MACROD2: variants seen among roughly 807,000 people sequenced by gnomAD.
MACROD2 encodes mono-ADP ribosylhydrolase 2.
In MACROD2, 36 loss-of-function variants were observed where a neutral mutation model predicts 70.4. That is an observed-to-expected ratio of 0.51 (90% CI 0.39 to 0.68). The LOEUF is 0.68. Among genes scored for constraint, MACROD2 ranks in the 30% least tolerant of loss-of-function variants. The probability of loss-of-function intolerance (pLI) is 0.00; values close to 1 mark genes in which losing one functional copy is unlikely to be tolerated. For synonymous variants in MACROD2, 172 were observed against 178.8 expected, an observed-to-expected ratio of 0.96 and a Z score of 0.30; for missense variants, 496 against 538.4, an observed-to-expected ratio of 0.92 and a Z score of 0.78.
chr20:14,003,522 G>A (rs997553554), intron 2 of MACROD2: 8 of 282,500 alleles, frequency 2.8e-5, no homozygotes, highest in Non-Finnish European at 5.7e-5. Flanking sequence ...TTCTGTAAAT[G>A]CAAGTTGTTT....
intron 8 of MACROD2, among the ~76,000 whole-genome samples, chr20:15,817,996 CTT>C (rs1277051208): frequency 2.6e-5 from 4 of 152,156 alleles, no homozygotes; most frequent in African/African-American, 7.2e-5. Flanking sequence ...AGCAGGGTCT[CTT>C]CTCTGCTCTT....
At chr20:14,148,959 A>T (rs973222072) in intron 3 of MACROD2, among the ~76,000 whole-genome samples, 6 of 151,860 alleles carry the variant, frequency 4.0e-5, no homozygotes, top group Non-Finnish European at 5.9e-5. Flanking sequence ...AACATAGCAC[A>T]CTTTTCTGCT....
At chr20:14,802,360 C>T (rs113041123) in intron 5 of MACROD2, among the ~76,000 whole-genome samples, 3,853 of 151,966 alleles carry the variant, frequency 0.025, 88 homozygotes, top group Middle Eastern at 0.055. Flanking sequence ...TATGGCTAAA[C>T]GCTTTTATTA....
At chr20:14,400,213 G>A (rs1293743659) in intron 3 of MACROD2, among the ~76,000 whole-genome samples, 7 of 152,138 alleles carry the variant, frequency 4.6e-5, no homozygotes, top group African/African-American at 9.7e-5. Flanking sequence ...TGGAGTTACT[G>A]GAAAGTAGTT....
At position 14,086,513 on chromosome 20, in the gene MACROD2, G is replaced by T. The variant is rs373086347; in HGVS notation, c.271+785G>T. Among the ~76,000 whole-genome samples the T allele has an allele frequency of 2.7e-4, 41 of 152,308 alleles. No individual in the cohort carries two copies. In the East Asian group the frequency reaches 2.7e-3, roughly 10 times the overall value. Reference sequence around the variant, plus strand: ...TCTAAATAGACTATGACAATAAAAGGAGGAGGATGATTTCAATAGGGGGAG... The same window carrying T: ...TCTAAATAGACTATGACAATAAAAGTAGGAGGATGATTTCAATAGGGGGAG... On this transcript the variant is annotated intron_variant, in intron 3 of 17. Transcript: ENST00000684519.
At chr20:15,272,128 T>G (rs1199548490) in intron 6 of MACROD2, among the ~76,000 whole-genome samples, 2 of 152,238 alleles carry the variant, frequency 1.3e-5, no homozygotes, top group Non-Finnish European at 2.9e-5. Flanking sequence ...TGCTAAAATG[T>G]CTAATTAGTT....
intron 8 of MACROD2, among the ~76,000 whole-genome samples, chr20:15,682,848 G>A (rs998153967): frequency 6.6e-6 from 1 of 152,140 alleles, no homozygotes; most frequent in African/African-American, 2.4e-5. Context: ...AACTTGGCAA[G>A]CTCTGTCATT....
intron 5 of MACROD2, among the ~76,000 whole-genome samples, chr20:14,767,517 G>C (rs1439068340): frequency 6.6e-6 from 1 of 151,800 alleles, no homozygotes; most frequent in African/African-American, 2.4e-5. Flanking sequence ...TAAACAGAAT[G>C]GGTTTGACTC....
chr20:15,370,299 G>T (rs1316826278), intron 6 of MACROD2, among the ~76,000 whole-genome samples: 2 of 151,920 alleles, frequency 1.3e-5, no homozygotes, highest in Non-Finnish European at 2.9e-5. Flanking sequence ...AGTAAAACTG[G>T]AATCTACTTT....
chr20:14,908,930 T>G (rs1245881511), intron 5 of MACROD2, among the ~76,000 whole-genome samples: 1 of 152,174 alleles, frequency 6.6e-6, no homozygotes, highest in East Asian at 1.9e-4. Context: ...CAGATATAAG[T>G]GCAGCTTCAT....
Position 14,551,026 on chromosome 20 carries a change from AG to A in MACROD2, c.301+57521del, listed in dbSNP as rs987735108. 6.9e-4 allele frequency among the ~76,000 whole-genome samples: 105 copies of A among 152,192 alleles called. 1 individual carries two copies. The highest frequency in any genetic ancestry group is 2.4e-3 in the African/African-American group (101 of 41,530). On this transcript the variant is annotated intron_variant, in intron 4 of 17. Coordinates refer to ENST00000684519, the MANE Select transcript of MACROD2 (RefSeq NM_001351661.2). ...TATGCAGAAGATATTCAAGTTGGAGAGGGAAATTATGATTTTTTTTTCCTTT... is the reference window on the plus strand; with the variant it reads ...TATGCAGAAGATATTCAAGTTGGAGAGGAAATTATGATTTTTTTTTCCTTT...
chr20:16,032,200 C>T (rs1016098748), intron 15 of MACROD2, among the ~76,000 whole-genome samples: 1 of 151,962 alleles, frequency 6.6e-6, no homozygotes, highest in African/African-American at 2.4e-5. Flanking sequence ...GGGAGCTAAG[C>T]AATGAGCACA....
intron 4 of MACROD2, among the ~76,000 whole-genome samples, chr20:14,565,548 A>T (rs1218889520): frequency 6.6e-6 from 1 of 151,540 alleles, no homozygotes; most frequent in African/African-American, 2.4e-5. Flanking sequence ...TGAATCTCGG[A>T]AAATTCCTCT....
At chr20:15,416,897 C>T (rs1051909009) in intron 6 of MACROD2, among the ~76,000 whole-genome samples, 1 of 142,638 alleles carries the variant, frequency 7.0e-6, no homozygotes, top group African/African-American at 2.5e-5. Context: ...AGCGAGACTC[C>T]GTCTCAAAAA....
intron 3 of MACROD2, among the ~76,000 whole-genome samples, chr20:14,338,196 G>T (rs147110187): frequency 0.01 from 1,546 of 152,280 alleles, 43 homozygotes; most frequent in African/African-American, 0.035. Flanking sequence ...GAGGTCAGGA[G>T]TTCGAGACCA....
chr20:15,894,762 A>G (rs1244751546), intron 10 of MACROD2, among the ~76,000 whole-genome samples: 2 of 152,240 alleles, frequency 1.3e-5, no homozygotes, highest in Non-Finnish European at 2.9e-5. Flanking sequence ...TAGATTATGC[A>G]CTGCCCTAAT....
In MACROD2 at chr20:15,757,878, A is replaced by C. The variant is rs2146992049; in HGVS notation, c.646-104867A>C. 1.3e-5 allele frequency among the ~76,000 whole-genome samples: 2 copies of C among 152,280 alleles called. 1 individual carries two copies. The highest frequency in any genetic ancestry group is 4.1e-4 in the South Asian group (2 of 4,830). ...CTACCTTGCAAATATCCCACATCCA[A>C]ATACCATCACATTGGAGTTAGAACT... On this transcript the variant is annotated intron_variant, in intron 8 of 17. Transcript: ENST00000684519.
At chr20:14,390,467 G>A (rs1040880114) in intron 3 of MACROD2, among the ~76,000 whole-genome samples, 3 of 152,188 alleles carry the variant, frequency 2.0e-5, no homozygotes, top group African/African-American at 7.2e-5. Flanking sequence ...CAAAGCTGGA[G>A]GCATCATGCC....
intron 2 of MACROD2, among the ~76,000 whole-genome samples, chr20:14,077,569 A>C (rs2053930010): frequency 6.6e-6 from 1 of 152,224 alleles, no homozygotes; most frequent in African/African-American, 2.4e-5. Flanking sequence ...GTGAGGAATG[A>C]AGGACTTTTT....
Sources: allele counts gnomAD v4.1 joint callset (sites outside exome capture counted in the v4.1 genomes callset), GRCh38; gene constraint gnomAD v4.1.1; transcripts MANE v1.5; gene names NCBI Gene and HGNC (gene_info 2026-07-23, HGNC 2026-07-21).